WIPF3: variants seen among roughly 807,000 people sequenced by gnomAD.
WIPF3 encodes the protein WAS/WASL-interacting protein family member 3.
WIPF3 carries 33 observed loss-of-function variants against 38.9 expected under a neutral mutation model. That is an observed-to-expected ratio of 0.85 (90% CI 0.64 to 1.14). WIPF3 has a LOEUF of 1.14. Ranked by LOEUF, WIPF3 falls within the 50% of genes most tolerant of loss-of-function variation. The probability of loss-of-function intolerance (pLI) is 0.00; values close to 1 mark genes in which losing one functional copy is unlikely to be tolerated. For missense variants in WIPF3, 711 were observed against 652.5 expected (o/e 1.09, Z -0.98); for synonymous variants, 324 against 269.3 (o/e 1.20, Z -1.99).
Position 29,884,264 on chromosome 7 carries a change from T to TGCCCCC in WIPF3, c.770_771insGCCCCC (p.Pro258_Pro259dup). 1.0e-4 allele frequency: 138 copies of TGCCCCC among 1,315,246 alleles called. No individual in the cohort carries two copies. Among genetic ancestry groups the TGCCCCC allele is most frequent in the Non-Finnish European group, 1.3e-4 (129 of 992,676 alleles). 81.5% of individuals were successfully genotyped at this position (1,315,246 alleles called of 1,614,324 possible). Reference sequence around the variant, plus strand: ...AAGCCTCAGCTGGCTCCCTTGCACCTCCCGCCCATCCCGCCCCCGCTCCCT... The same window carrying TGCCCCC: ...AAGCCTCAGCTGGCTCCCTTGCACCTGCCCCCCCCGCCCATCCCGCCCCCGCTCCCT... On this transcript the variant is annotated inframe_insertion, in exon 5 of 9. Transcript: ENST00000242140.
chr7:29,825,345 G>A (rs1216356810), intron 1 of WIPF3, among the ~76,000 whole-genome samples: 1 of 152,038 alleles, frequency 6.6e-6, no homozygotes, highest in Non-Finnish European at 1.5e-5. Flanking sequence ...TAAAATAAAA[G>A]TTGAAGGAAA....
chr7:29,906,504 A>T (rs983657532), intron 8 of WIPF3, among the ~76,000 whole-genome samples: 2 of 152,292 alleles, frequency 1.3e-5, no homozygotes, highest in African/African-American at 2.4e-5. Context: ...GAAAGAAAAA[A>T]AATTAAAAGT....
intron 5 of WIPF3, among the ~76,000 whole-genome samples, chr7:29,886,161 G>T (rs921273779): frequency 2.6e-4 from 39 of 151,864 alleles, no homozygotes; most frequent in African/African-American, 9.4e-4. Context: ...AAAAGTATTG[G>T]TGTCTTAAAG....
intron 2 of WIPF3, among the ~76,000 whole-genome samples, chr7:29,863,164 C>G (rs1365391224): frequency 2.0e-5 from 3 of 152,140 alleles, no homozygotes; most frequent in African/African-American, 7.2e-5. Flanking sequence ...TAACTACCAC[C>G]ACCATCAGGA....
At chr7:29,866,524 C>T (rs1785390218) in intron 2 of WIPF3, among the ~76,000 whole-genome samples, 1 of 152,230 alleles carries the variant, frequency 6.6e-6, no homozygotes. Flanking sequence ...AGCCACACAG[C>T]ATAGGGTTAC....
intron 7 of WIPF3, among the ~76,000 whole-genome samples, chr7:29,890,055 G>C (rs770610138): frequency 1.3e-5 from 2 of 152,176 alleles, no homozygotes; most frequent in Non-Finnish European, 1.5e-5. Context: ...CAGCTTAACT[G>C]TTCAGCCTTA....
At chr7:29,879,925 C>A (rs1282021345) in intron 4 of WIPF3, among the ~76,000 whole-genome samples, 1 of 152,096 alleles carries the variant, frequency 6.6e-6, no homozygotes, top group Non-Finnish European at 1.5e-5. Flanking sequence ...CACTTCCTAC[C>A]ACATTCTCTT....
At chr7:29,816,315 T>TATCATCATC in intron 1 of WIPF3, among the ~76,000 whole-genome samples, 1 of 151,664 alleles carries the variant, frequency 6.6e-6, no homozygotes. Flanking sequence ...TTATTATTAT[T>TATCATCATC]ATCATCATCA....
At chr7:29,817,629 C>G (rs1310249215) in intron 1 of WIPF3, among the ~76,000 whole-genome samples, 1 of 152,018 alleles carries the variant, frequency 6.6e-6, no homozygotes, top group Non-Finnish European at 1.5e-5. Flanking sequence ...TATCCAATGT[C>G]TTTCTTTTTT....
At position 29,849,582 on chromosome 7, in the gene WIPF3, C is replaced by A. The variant is rs374266152; in HGVS notation, c.90+14768C>A. 5.3e-5 allele frequency among the ~76,000 whole-genome samples: 8 copies of A among 152,228 alleles called. No homozygotes were observed. The East Asian group carries it at 1.4e-3, about 26-fold the overall frequency. The stretch of plus-strand genomic sequence containing the variant: ...CAGTGTTCTCTAGTCTGACTAAATG[C>A]CTCTCGTGACTGTATTGTTGAAGAA... On this transcript the variant is annotated intron_variant, in intron 2 of 8. Transcript: ENST00000242140.
chr7:29,847,825 G>A (rs1277055777), intron 2 of WIPF3, among the ~76,000 whole-genome samples: 1 of 152,180 alleles, frequency 6.6e-6, no homozygotes, highest in Admixed American at 6.5e-5. Flanking sequence ...TTGGGGAAAA[G>A]GGGCTCTGGT....
chr7:29,889,354 C>A lies in WIPF3; in HGVS notation c.1298C>A (p.Pro433His). The change falls in exon 7 of 9, where the codon CCT becomes CAT. Residue 433 changes from proline (P) to histidine (H), a missense_variant. Pro to His is a moderately conservative substitution (Grantham distance 77). Transcript: ENST00000242140. ...TTCCATTCTGTGGAAGACTTTCCCC[C>A]TCCGGATGAATATAAACCATGCCAG... ...FTFHSVEDFP[P>H]PDEYKPCQKI... 6.2e-7 allele frequency: 1 copy of A among 1,613,998 alleles called. No homozygotes were observed. Among genetic ancestry groups the A allele is most frequent in the East Asian group, 2.2e-5 (1 of 44,882 alleles).
At chr7:29,813,145 C>T (rs980459753) in intron 1 of WIPF3, among the ~76,000 whole-genome samples, 2 of 152,188 alleles carry the variant, frequency 1.3e-5, no homozygotes, top group Non-Finnish European at 2.9e-5. Flanking sequence ...CTTCCCCATC[C>T]CAGACATCCA....
At position 29,884,264 on chromosome 7, in the gene WIPF3, T is replaced by TGCCCCCCCCCCCCC; in HGVS notation, c.770_771insGCCCCCCCCCCCCC (p.Ile260ProfsTer119). 1 of 1,315,282 alleles carries TGCCCCCCCCCCCCC rather than the reference T, an allele frequency of 7.6e-7. No homozygotes were observed. The highest frequency in any genetic ancestry group is 1.0e-6 in the Non-Finnish European group (1 of 992,706). 81.5% of individuals were successfully genotyped at this position (1,315,282 alleles called of 1,614,324 possible). On this transcript the variant is annotated frameshift_variant, in exon 5 of 9. Transcript: ENST00000242140. LOFTEE classifies it high-confidence loss of function. The stretch of plus-strand genomic sequence containing the variant: ...AAGCCTCAGCTGGCTCCCTTGCACC[T>TGCCCCCCCCCCCCC]CCCGCCCATCCCGCCCCCGCTCCCT...
intron 2 of WIPF3, among the ~76,000 whole-genome samples, chr7:29,872,781 AGAGT>A (rs1465003819): frequency 7.8e-6 from 1 of 128,838 alleles, no homozygotes; most frequent in Non-Finnish European, 1.6e-5. Flanking sequence ...CCTGGGCGAC[AGAGT>A]GAGACTCCAT....
At chr7:29,813,980 G>T (rs149272608) in intron 1 of WIPF3, among the ~76,000 whole-genome samples, 27 of 151,912 alleles carry the variant, frequency 1.8e-4, no homozygotes, top group African/African-American at 5.6e-4. Flanking sequence ...GAGTCCAGTG[G>T]TGCTATCCCA....
chr7:29,902,596 G>A (rs781376544), intron 7 of WIPF3, among the ~76,000 whole-genome samples: 1 of 151,940 alleles, frequency 6.6e-6, no homozygotes, highest in Non-Finnish European at 1.5e-5. Flanking sequence ...CCAGCACTTT[G>A]GGAGGCCAAG....
intron 1 of WIPF3, among the ~76,000 whole-genome samples, chr7:29,813,133 T>C (rs1354740243): frequency 6.6e-6 from 1 of 152,236 alleles, no homozygotes; most frequent in Non-Finnish European, 1.5e-5. Flanking sequence ...AGGCTCTTTC[T>C]TCTTCCCCAT....
At chr7:29,894,098 T>G (rs2128078566) in intron 7 of WIPF3, among the ~76,000 whole-genome samples, 1 of 152,352 alleles carries the variant, frequency 6.6e-6, no homozygotes, top group African/African-American at 2.4e-5. Context: ...GTTTTGCTGA[T>G]CTGCCCTAAA....
Sources: gnomAD v4.1 joint callset for allele counts (sites outside exome capture counted in the v4.1 genomes callset) on GRCh38, gnomAD v4.1.1 for gene constraint, MANE v1.5 for transcripts, NCBI Gene and HGNC (gene_info 2026-07-23, HGNC 2026-07-21) for gene names.